USH2A: variants seen among roughly 807,000 people sequenced by gnomAD.
USH2A encodes the protein Usher syndrome 2A (autosomal recessive, mild).
A neutral mutation model predicts 538.9 loss-of-function variants in USH2A; 443 were observed. The ratio of observed to expected loss-of-function variants is 0.82; its 90% CI spans 0.76 to 0.89. The LOEUF (loss-of-function observed/expected upper bound fraction) is 0.89. Among genes scored for constraint, USH2A ranks in the 40% least tolerant of loss-of-function variants. The pLI, the probability that USH2A is intolerant of heterozygous loss-of-function variation, is 0.00. For synonymous variants in USH2A, 2,413 were observed against 2,273.5 expected (o/e 1.06, Z -1.75); for missense variants, 6,633 against 6,324.8 (o/e 1.05, Z -1.65).
At chr1:215,847,003 T>A (rs1340505380) in intron 44 of USH2A, among the ~76,000 whole-genome samples, 2 of 152,228 alleles carry the variant, frequency 1.3e-5, no homozygotes, top group African/African-American at 4.8e-5. Context: ...GTTTCTATAA[T>A]GTAGAGAAGC....
intron 9 of USH2A, among the ~76,000 whole-genome samples, chr1:216,312,278 G>T (rs1418092919): frequency 6.6e-6 from 1 of 151,960 alleles, no homozygotes; most frequent in African/African-American, 2.4e-5. Flanking sequence ...TCATAGGCTA[G>T]ATGTTCCCCC....
At chr1:216,003,834 C>G (rs1420828850) in intron 32 of USH2A, among the ~76,000 whole-genome samples, 1 of 152,114 alleles carries the variant, frequency 6.6e-6, no homozygotes, top group Admixed American at 6.6e-5. Flanking sequence ...GAGTATCATC[C>G]TGGCTGCCAG....
chr1:216,038,230 T>A (rs1004920616), intron 32 of USH2A, among the ~76,000 whole-genome samples: 11 of 152,040 alleles, frequency 7.2e-5, no homozygotes, highest in African/African-American at 2.4e-4. Context: ...CTCAAAAACT[T>A]TTTGTAAAAC....
In USH2A at chr1:216,364,457, C is replaced by A. The variant is rs59354768; in HGVS notation, c.784+496G>T. On this transcript the variant is annotated intron_variant, in intron 4 of 71. Coordinates refer to ENST00000307340, the MANE Select transcript of USH2A (RefSeq NM_206933.4). ...CAAAAGATCTATTATCCATCTGGAA[C>A]CTGTAACTATGACTTTAATTTGGAA... 9.8e-3 allele frequency among the ~76,000 whole-genome samples: 1,493 copies of A among 152,198 alleles called. 18 individuals are homozygous for A. The highest frequency in any genetic ancestry group is 0.035 in the African/African-American group (1,447 of 41,532).
At chr1:216,076,309 A>G (rs2031747774) in intron 27 of USH2A, among the ~76,000 whole-genome samples, 1 of 152,188 alleles carries the variant, frequency 6.6e-6, no homozygotes, top group Non-Finnish European at 1.5e-5. Flanking sequence ...AAAATTTAAT[A>G]TTACTCACTA....
Position 216,420,548 on chromosome 1 carries a change from C to T in USH2A, c.485+1304G>A, listed in dbSNP as rs189846221. On this transcript the variant is annotated intron_variant, in intron 2 of 71. Transcript: ENST00000307340. ...ACAAGGAACTCTCAAAACCATTAAC[C>T]ATGTTCTTCCAACCCTGTAAATACT... Among the ~76,000 whole-genome samples, 80 of 152,156 alleles carry T rather than the reference C, an allele frequency of 5.3e-4. 2 individuals carry two copies. Among genetic ancestry groups the T allele is most frequent in the Non-Finnish European group, 2.6e-4 (18 of 67,982 alleles).
chr1:215,912,501 A>G (rs1241413588), intron 38 of USH2A, among the ~76,000 whole-genome samples: 501 of 27,412 alleles, frequency 0.018, 4 homozygotes, highest in African/African-American at 0.042. Flanking sequence ...GTGTATATAT[A>G]TATATATATA....
At chr1:216,058,203 T>G (rs1471672370) in intron 30 of USH2A, among the ~76,000 whole-genome samples, 2 of 127,838 alleles carry the variant, frequency 1.6e-5, no homozygotes. Context: ...CGCCTCTGCA[T>G]TGACTTACTG....
intron 11 of USH2A, among the ~76,000 whole-genome samples, chr1:216,281,282 A>C (rs1182639496): frequency 6.6e-6 from 1 of 151,272 alleles, no homozygotes; most frequent in Non-Finnish European, 1.5e-5. Flanking sequence ...CTCTGGCTAT[A>C]TATCAGGTTG....
At chr1:216,298,928 C>A (rs2037159068) in intron 9 of USH2A, among the ~76,000 whole-genome samples, 1 of 151,818 alleles carries the variant, frequency 6.6e-6, no homozygotes, top group African/African-American at 2.4e-5. Context: ...GCAAGCTCCA[C>A]CTCCCAGGTT....
At chr1:216,012,468 T>C (rs1018760862) in intron 32 of USH2A, among the ~76,000 whole-genome samples, 1 of 152,034 alleles carries the variant, frequency 6.6e-6, no homozygotes, top group Admixed American at 6.6e-5. Context: ...GTACAGGCCT[T>C]TCCTACAGGG....
At chr1:216,118,450 C>T (rs1282581649) in intron 21 of USH2A, among the ~76,000 whole-genome samples, 1 of 152,110 alleles carries the variant, frequency 6.6e-6, no homozygotes, top group East Asian at 1.9e-4. Flanking sequence ...CCTTAGCATC[C>T]TCACCTACAC....
intron 41 of USH2A, among the ~76,000 whole-genome samples, chr1:215,887,681 A>G (rs1224957004): frequency 6.6e-6 from 1 of 152,238 alleles, no homozygotes; most frequent in Non-Finnish European, 1.5e-5. Context: ...GAGAGAGAAC[A>G]CACAACATAG....
rs771141896 is a variant in USH2A at position 216,073,119 on chromosome 1, C to T, written c.5754G>A (p.Glu1918=). Residue 1918 remains glutamate (E), a synonymous_variant, in exon 28 of 72, where the codon GAG becomes GAA. Transcript: ENST00000307340. The stretch of plus-strand genomic sequence containing the variant: ...TACCTGTAAAAGGCTGGAGACCACC[C>T]TCGTAAACACTCTGCTCTTTTCCCT... The part of the protein sequence containing the change: ...VYQGKEQSVY[E]GGLQPFTEYL... 6.2e-7 allele frequency: 1 copy of T among 1,613,690 alleles called. No individual in the cohort carries two copies. Among genetic ancestry groups the T allele is most frequent in the Non-Finnish European group, 8.5e-7 (1 of 1,179,930 alleles).
intron 38 of USH2A, among the ~76,000 whole-genome samples, chr1:215,906,105 T>C (rs768129560): frequency 2.6e-5 from 4 of 152,044 alleles, no homozygotes; most frequent in Non-Finnish European, 5.9e-5. Context: ...CACTAAACCA[T>C]ATGTCATTTA....
intron 38 of USH2A, among the ~76,000 whole-genome samples, chr1:215,926,587 T>C (rs1018559898): frequency 6.8e-6 from 1 of 147,784 alleles, no homozygotes; most frequent in Non-Finnish European, 1.5e-5. Flanking sequence ...TTTTCCTAAA[T>C]AGTAGACACT....
At chr1:215,927,805 T>G (rs1666270866) in intron 38 of USH2A, among the ~76,000 whole-genome samples, 1 of 151,956 alleles carries the variant, frequency 6.6e-6, no homozygotes, top group African/African-American at 2.4e-5. Context: ...AATAAAATGG[T>G]AGGTAAAATA....
chr1:215,719,168 C>T lies in USH2A; in HGVS notation c.12066+8862G>A, dbSNP rs1022828148. Reference sequence around the variant, plus strand: ...AGTGTGTGTCTGTGTGTGTGTGTGACTAAAATACCTCATCATGTTCTGCTG... The same window carrying T: ...AGTGTGTGTCTGTGTGTGTGTGTGATTAAAATACCTCATCATGTTCTGCTG... On this transcript the variant is annotated intron_variant, in intron 61 of 71. Coordinates refer to ENST00000307340, the MANE Select transcript of USH2A (RefSeq NM_206933.4). Among the ~76,000 whole-genome samples, 43 of 151,740 alleles carry T rather than the reference C, an allele frequency of 2.8e-4. 1 individual carries two copies. The highest frequency in any genetic ancestry group is 7.4e-5 in the Non-Finnish European group (5 of 67,912).
At chr1:216,126,078 T>C (rs1237024763) in intron 21 of USH2A, among the ~76,000 whole-genome samples, 1 of 152,192 alleles carries the variant, frequency 6.6e-6, no homozygotes, top group African/African-American at 2.4e-5. Context: ...TAAAAATAGA[T>C]ATCTAAGTCT....
Sources: gnomAD v4.1 joint callset for allele counts (sites outside exome capture counted in the v4.1 genomes callset) on GRCh38, gnomAD v4.1.1 for gene constraint, MANE v1.5 for transcripts, NCBI Gene and HGNC (gene_info 2026-07-23, HGNC 2026-07-21) for gene names.